Variants in PCDHB2 observed in about 807,000 individuals in gnomAD.
PCDHB2 encodes the protein protocadherin beta 2, also known as protocadherin beta-2.
For missense variants in PCDHB2, 914 were observed against 1,023.1 expected (o/e 0.89, Z 1.45); for synonymous variants, 395 against 464.9 (o/e 0.85, Z 1.93).
In PCDHB2 at chr5:141,096,032, G is replaced by A; in HGVS notation, c.1242G>A (p.Glu414=). ...TGATAAGCACGGCCCTGGACCGGGA[G>A]ACCAGATCCGAATACAACATCACCA... The part of the protein sequence containing the change: ...TLVISTALDR[E]TRSEYNITIT... The change falls in exon 1 of 1, where the codon GAG becomes GAA. Residue 414 remains glutamate, a synonymous_variant. Transcript: ENST00000194155. The A allele has an allele frequency of 6.2e-7, 1 of 1,614,162 alleles. No individual in the cohort carries two copies. The highest frequency in any genetic ancestry group is 8.5e-7 in the Non-Finnish European group (1 of 1,180,014).
Position 141,096,806 on chromosome 5 carries a change from C to G in PCDHB2, c.2016C>G (p.Tyr672Ter). ...TGGTGGACGGCTTCTCCCAGCCCTA[C>G]CTGCTGCTCCCGGAGGCGGCACCGG... is the stretch of plus-strand genomic sequence containing the variant. ...VLLVDGFSQP[Y>*]LLLPEAAPAQ... The change falls in exon 1 of 1, where the codon TAC becomes TAG. Residue 672 changes from tyrosine (Y) to a stop codon, truncating the protein, a stop_gained. Coordinates refer to ENST00000194155, the MANE Select transcript of PCDHB2 (RefSeq NM_018936.4). LOFTEE classifies it low-confidence loss of function (END_TRUNC). 1 of 1,610,308 alleles carries G rather than the reference C, an allele frequency of 6.2e-7. No individual in the cohort carries two copies. The highest frequency in any genetic ancestry group is 1.3e-5 in the African/African-American group (1 of 75,004).
In PCDHB2 at chr5:141,096,997, G is replaced by C; in HGVS notation, c.2207G>C (p.Gly736Ala). Residue 736 changes from glycine to alanine, a missense_variant, in exon 1 of 1, where the codon GGG (glycine) becomes GCG (alanine). By Grantham distance (60) the Gly-to-Ala change is moderately conservative. Coordinates refer to ENST00000194155, the MANE Select transcript of PCDHB2 (RefSeq NM_018936.4). ...RCSVPEGPFPGQMVDVSGTGT... is the reference protein window; with the variant it reads ...RCSVPEGPFPAQMVDVSGTGT... ...TCGGTGCCCGAGGGCCCCTTTCCAG[G>C]GCAGATGGTGGACGTGAGCGGCACC... 6.2e-7 allele frequency: 1 copy of C among 1,613,540 alleles called. No individual in the cohort carries two copies. The highest frequency in any genetic ancestry group is 8.5e-7 in the Non-Finnish European group (1 of 1,179,950).
rs1554271516 is a variant in PCDHB2, at chr5:141,096,443, G to A, written c.1653G>A (p.Val551=). Residue 551 remains valine (V), a synonymous_variant, in exon 1 of 1, where the codon GTG becomes GTA. Coordinates refer to ENST00000194155, the MANE Select transcript of PCDHB2 (RefSeq NM_018936.4). ...TGAGCAGCGAGGCGCTGGTGCGCGT[G>A]CTGGTGCTGGACGCCAACGACAACT... ...PALSSEALVR[V]LVLDANDNSP... 6.2e-7 allele frequency: 1 copy of A among 1,611,364 alleles called. No homozygotes were observed. The highest frequency in any genetic ancestry group is 1.7e-5 in the Admixed American group (1 of 59,976).
In PCDHB2 at chr5:141,097,280, G is replaced by C; in HGVS notation, c.*93G>C. On this transcript the variant is annotated 3_prime_UTR_variant, in exon 1 of 1. Coordinates refer to ENST00000194155, the MANE Select transcript of PCDHB2 (RefSeq NM_018936.4). ...CCATTGGAGGTGTCTCCTTTTATTA[G>C]AAAGTAACCATCTTATTCCAATTCT... 3 of 1,353,594 alleles carry C rather than the reference G, an allele frequency of 2.2e-6. No homozygotes were observed. Among genetic ancestry groups the C allele is most frequent in the Non-Finnish European group, 3.0e-6 (3 of 990,478 alleles). The allele number at this position is 1,353,594 out of a possible 1,614,324, so 83.8% of individuals were successfully genotyped here.
Position 141,098,446 on chromosome 5 carries a change from T to G in PCDHB2, c.*1259T>G, listed in dbSNP as rs536234002. Reference sequence around the variant, plus strand: ...GAAACAAGCCTTTAGGGAGAAAAATTTATCTAGCACCACTCACTCTATTTT... The same window carrying G: ...GAAACAAGCCTTTAGGGAGAAAAATGTATCTAGCACCACTCACTCTATTTT... On this transcript the variant is annotated 3_prime_UTR_variant, in exon 1 of 1. Transcript: ENST00000194155. The G allele has an allele frequency of 2.6e-5, 4 of 152,266 alleles. No homozygotes were observed. In the South Asian group the frequency reaches 8.3e-4, roughly 32 times the overall value. The allele number at this position is 152,266 out of a possible 1,614,324, so 9.4% of individuals were successfully genotyped here.
chr5:141,096,495 A>C lies in PCDHB2; in HGVS notation c.1705A>C (p.Asn569His). The stretch of plus-strand genomic sequence containing the variant: ...GCCCTTCGTGCTGTACCCGCTGCAG[A>C]ACGGCTCCGCGCCCTGCACCGAGCT... ...NSPFVLYPLQ[N>H]GSAPCTELVP... Residue 569 changes from asparagine (N) to histidine (H), a missense_variant, in exon 1 of 1, where the codon AAC becomes CAC. Asn to His is a moderately conservative substitution (Grantham distance 68). Coordinates refer to ENST00000194155, the MANE Select transcript of PCDHB2 (RefSeq NM_018936.4). The C allele has an allele frequency of 6.2e-7, 1 of 1,609,704 alleles. No homozygotes were observed. Among genetic ancestry groups the C allele is most frequent in the Non-Finnish European group, 8.5e-7 (1 of 1,178,742 alleles).
Position 141,096,774 on chromosome 5 carries a change from G to A in PCDHB2, c.1984G>A (p.Val662Met). The change falls in exon 1 of 1, where the codon GTG becomes ATG. Residue 662 changes from valine (V) to methionine (M), a missense_variant. Coordinates refer to ENST00000194155, the MANE Select transcript of PCDHB2 (RefSeq NM_018936.4). Reference sequence around the variant, plus strand: ...GCGCTCGGCCACCGCCACGCTGCACGTGCTCCTGGTGGACGGCTTCTCCCA... The same window carrying A: ...GCGCTCGGCCACCGCCACGCTGCACATGCTCCTGGTGGACGGCTTCTCCCA... ...PPRSATATLH[V>M]LLVDGFSQPY... 2 of 1,610,032 alleles carry A rather than the reference G, an allele frequency of 1.2e-6. No individual in the cohort carries two copies. The highest frequency in any genetic ancestry group is 1.7e-6 in the Non-Finnish European group (2 of 1,179,658).
chr5:141,094,947 G>A lies in PCDHB2; in HGVS notation c.157G>A (p.Asp53Asn), dbSNP rs782760170. 5 of 1,614,160 alleles carry A rather than the reference G, an allele frequency of 3.1e-6. No homozygotes were observed. Among genetic ancestry groups the A allele is most frequent in the Non-Finnish European group, 4.2e-6 (5 of 1,180,024 alleles). ...SGSFVANLLKDLGLEIGELAV... is the reference protein window; with the variant it reads ...SGSFVANLLKNLGLEIGELAV... ...CTCCTTTGTGGCCAATTTGTTAAAA[G>A]ACCTGGGGCTGGAGATAGGAGAACT... The change falls in exon 1 of 1, where the codon GAC (aspartate) becomes AAC (asparagine). Residue 53 changes from aspartate to asparagine, a missense_variant. Coordinates refer to ENST00000194155, the MANE Select transcript of PCDHB2 (RefSeq NM_018936.4).
At position 141,095,909 on chromosome 5, in the gene PCDHB2, A is replaced by C; in HGVS notation, c.1119A>C (p.Ser373=). The change falls in exon 1 of 1, where the codon TCA becomes TCC. Residue 373 remains serine (S), a synonymous_variant. Coordinates refer to ENST00000194155, the MANE Select transcript of PCDHB2 (RefSeq NM_018936.4). The part of the protein sequence containing the change: ...QDTLIAVFSV[S]DPDSGDNGRM... ...CCCTCATTGCTGTATTCAGCGTTTC[A>C]GATCCTGACTCCGGAGACAACGGAA... The C allele has an allele frequency of 6.2e-7, 1 of 1,614,158 alleles. No homozygotes were observed. Among genetic ancestry groups the C allele is most frequent in the Non-Finnish European group, 8.5e-7 (1 of 1,180,012 alleles).
rs1206987562 is a variant in PCDHB2 at position 141,094,981 on chromosome 5, G to C, written c.191G>C (p.Arg64Thr). The C allele has an allele frequency of 6.2e-7, 1 of 1,613,500 alleles. No individual in the cohort carries two copies. Among genetic ancestry groups the C allele is most frequent in the African/African-American group, 1.3e-5 (1 of 74,886 alleles). The change falls in exon 1 of 1, where the codon AGG (arginine) becomes ACG (threonine). Residue 64 changes from arginine (R) to threonine (T), a missense_variant. Transcript: ENST00000194155. ...LGLEIGELAV[R>T]GARVVSKGKK... ...CTGGAGATAGGAGAACTTGCTGTGA[G>C]GGGGGCCAGGGTCGTTTCCAAAGGA... is the stretch of plus-strand genomic sequence containing the variant.
rs364247 is a variant in PCDHB2, at chr5:141,096,905, C to G, written c.2115C>G (p.Phe705Leu). The G allele has an allele frequency of 4.3e-6, 7 of 1,612,326 alleles. No homozygotes were observed. The African/African-American group carries it at 9.3e-5, about 22-fold the overall frequency. The change falls in exon 1 of 1, where the codon TTC (phenylalanine) becomes TTG (leucine). Residue 705 changes from phenylalanine (F) to leucine (L), a missense_variant. Phe to Leu is a conservative substitution (Grantham distance 22, BLOSUM62 0). Transcript: ENST00000194155. ...ALASVSSLFL[F>L]SVLLFVAVRL... Reference sequence around the variant, plus strand: ...CCTCGGTGTCTTCGCTCTTCCTCTTCTCGGTGCTCCTGTTCGTGGCGGTGC... The same window carrying G: ...CCTCGGTGTCTTCGCTCTTCCTCTTGTCGGTGCTCCTGTTCGTGGCGGTGC...
Position 141,096,235 on chromosome 5 carries a change from C to T in PCDHB2, c.1445C>T (p.Ser482Leu), listed in dbSNP as rs1751816691. Residue 482 changes from serine to leucine, a missense_variant, in exon 1 of 1, where the codon TCG becomes TTG. Coordinates refer to ENST00000194155, the MANE Select transcript of PCDHB2 (RefSeq NM_018936.4). ...IGSVSATDRD[S>L]GTNAQVTYSL... is the part of the protein sequence containing the mutation. ...AGCGTCAGCGCCACAGACAGAGACT[C>T]GGGCACCAACGCCCAGGTCACCTAC... 2 of 1,612,942 alleles carry T rather than the reference C, an allele frequency of 1.2e-6. No homozygotes were observed. The highest frequency in any genetic ancestry group is 1.1e-5 in the South Asian group (1 of 91,032).
In PCDHB2 at chr5:141,095,952, C is replaced by A. The variant is rs1751804811; in HGVS notation, c.1162C>A (p.Gln388Lys). 1 of 1,614,044 alleles carries A rather than the reference C, an allele frequency of 6.2e-7. No individual in the cohort carries two copies. The highest frequency in any genetic ancestry group is 1.1e-5 in the South Asian group (1 of 91,078). The change falls in exon 1 of 1, where the codon CAA (glutamine) becomes AAA (lysine). Residue 388 changes from glutamine (Q) to lysine (K), a missense_variant. By Grantham distance (53) the Gln-to-Lys change is moderately conservative. Transcript: ENST00000194155. ...CAACGGAAGGATGGTGTGCTCCATC[C>A]AAGATGATCTTCCTTTTTTCTTGAA... is the stretch of plus-strand genomic sequence containing the variant. The part of the protein sequence containing the change: ...GDNGRMVCSI[Q>K]DDLPFFLKPS...
rs369789658 is a variant in PCDHB2, at chr5:141,097,049, C to G, written c.2259C>G (p.Tyr753Ter). 5.6e-6 allele frequency: 9 copies of G among 1,613,662 alleles called. No homozygotes were observed. The highest frequency in any genetic ancestry group is 4.5e-5 in the East Asian group (2 of 44,880). Residue 753 changes from tyrosine to a stop codon, truncating the protein, a stop_gained, in exon 1 of 1, where the codon TAC becomes TAG. Coordinates refer to ENST00000194155, the MANE Select transcript of PCDHB2 (RefSeq NM_018936.4). LOFTEE classifies it low-confidence loss of function (END_TRUNC). ...GTGTLSQSYQ[Y>*]EVCLTGGSGT... ...GGACCCTGTCCCAGAGCTACCAGTA[C>G]GAGGTGTGTCTGACTGGAGGCTCCG... is the stretch of plus-strand genomic sequence containing the variant.
Position 141,096,249 on chromosome 5 carries a change from C to G in PCDHB2, c.1459C>G (p.Gln487Glu). Residue 487 changes from glutamine to glutamate, a missense_variant, in exon 1 of 1, where the codon CAG (glutamine) becomes GAG (glutamate). Transcript: ENST00000194155. ...AGACAGAGACTCGGGCACCAACGCC[C>G]AGGTCACCTACTCGCTGCTGCCGCC... ...ATDRDSGTNA[Q>E]VTYSLLPPQD... 2 of 1,613,116 alleles carry G rather than the reference C, an allele frequency of 1.2e-6. No homozygotes were observed. Among genetic ancestry groups the G allele is most frequent in the South Asian group, 1.1e-5 (1 of 91,028 alleles).
chr5:141,094,701 C>A lies in PCDHB2; in HGVS notation c.-90C>A. 9.1e-7 allele frequency: 1 copy of A among 1,096,740 alleles called. No individual in the cohort carries two copies. Among genetic ancestry groups the A allele is most frequent in the Non-Finnish European group, 1.3e-6 (1 of 760,914 alleles). The allele number at this position is 1,096,740 out of a possible 1,614,324, so 67.9% of individuals were successfully genotyped here. A position where few individuals can be genotyped will look rare whatever the true frequency, so the allele number is the denominator to read the frequency against. On this transcript the variant is annotated 5_prime_UTR_variant, in exon 1 of 1. Transcript: ENST00000194155. ...GAAATCCGGGCCCTAGGATTGTCCA[C>A]TCATCCCAGTATCAGCGAGATACGG... is the stretch of plus-strand genomic sequence containing the variant.
rs1751766490 is a variant in PCDHB2, at chr5:141,094,890, C to T, written c.100C>T (p.His34Tyr). Residue 34 changes from histidine to tyrosine, a missense_variant, in exon 1 of 1, where the codon CAC (histidine) becomes TAC (tyrosine). Physicochemically the swap from His to Tyr is moderately conservative, Grantham distance 83. Transcript: ENST00000194155. ...AGCTCAGGCTAGTTGCCAGCCTAGG[C>T]ACTATTCAGTGGCCGAGGAAACGGA... The part of the protein sequence containing the change: ...GIAQASCQPR[H>Y]YSVAEETESG... The T allele has an allele frequency of 6.2e-7, 1 of 1,614,088 alleles. No individual in the cohort carries two copies. The highest frequency in any genetic ancestry group is 8.5e-7 in the Non-Finnish European group (1 of 1,180,022).
chr5:141,095,372 A>G lies in PCDHB2; in HGVS notation c.582A>G (p.Pro194=). 1 of 1,613,894 alleles carries G rather than the reference A, an allele frequency of 6.2e-7. No homozygotes were observed. The highest frequency in any genetic ancestry group is 8.5e-7 in the Non-Finnish European group (1 of 1,179,886). ...LQDSLDGIIL[P]QLVLNRALDR... ...ACAGTCTCGATGGCATAATATTACC[A>G]CAGCTGGTGCTGAACAGAGCCCTGG... The change falls in exon 1 of 1, where the codon CCA becomes CCG. Residue 194 remains proline (P), a synonymous_variant. Coordinates refer to ENST00000194155, the MANE Select transcript of PCDHB2 (RefSeq NM_018936.4).
At position 141,096,926 on chromosome 5, in the gene PCDHB2, G is replaced by A. The variant is rs150120355; in HGVS notation, c.2136G>A (p.Ala712=). The A allele has an allele frequency of 1.2e-5, 20 of 1,612,306 alleles. No homozygotes were observed. Among genetic ancestry groups the A allele is most frequent in the Non-Finnish European group, 1.6e-5 (19 of 1,179,882 alleles). ...TCTTCTCGGTGCTCCTGTTCGTGGC[G>A]GTGCGGCTGTGCAGGAGGAGCAGGG... ...LFLFSVLLFV[A]VRLCRRSRAA... The change falls in exon 1 of 1, where the codon GCG becomes GCA. Residue 712 remains alanine, a synonymous_variant. Coordinates refer to ENST00000194155, the MANE Select transcript of PCDHB2 (RefSeq NM_018936.4).
Sources: gnomAD v4.1 joint callset for allele counts on GRCh38, gnomAD v4.1.1 for gene constraint, MANE v1.5 for transcripts, NCBI Gene and HGNC (gene_info 2026-07-23, HGNC 2026-07-21) for gene names.